The following MYO5B variants were observed in gnomAD, a reference collection of about 807,000 sequenced individuals.
MYO5B encodes the protein unconventional myosin-Vb.
Under a neutral mutation model 229.3 loss-of-function variants are expected in MYO5B, and 143 were observed. That is an observed-to-expected ratio of 0.62 (90% CI 0.54 to 0.72). The LOEUF (loss-of-function observed/expected upper bound fraction) is 0.72, where lower values mean the gene tolerates loss of function less well. Among genes scored for constraint, MYO5B ranks in the 30% least tolerant of loss-of-function variants. MYO5B has a pLI of 0.00. For synonymous variants in MYO5B, 918 were observed against 885.2 expected (o/e 1.04, Z -0.66); for missense variants, 2,321 against 2,331.0 (o/e 1.00, Z 0.09).
chr18:49,979,387 C>G (rs2025790136), intron 9 of MYO5B, among the ~76,000 whole-genome samples: 1 of 152,178 alleles, frequency 6.6e-6, no homozygotes, highest in South Asian at 2.1e-4. Flanking sequence ...GGCCCAGGGG[C>G]CCTCTCAAAC....
Position 49,971,826 on chromosome 18 carries a change from TAC to T in MYO5B, c.1322+2522_1322+2523del, listed in dbSNP as rs532731984. Reference sequence around the variant, plus strand: ...GTGTGAACTCAGCACTGCATTGAGCTACAGAGGAGTAACTGTGCATGGGACTT... The same window carrying T: ...GTGTGAACTCAGCACTGCATTGAGCTAGAGGAGTAACTGTGCATGGGACTT... On this transcript the variant is annotated intron_variant, in intron 10 of 39. Transcript: ENST00000285039. Among the ~76,000 whole-genome samples the T allele has an allele frequency of 3.3e-3, 502 of 152,332 alleles. 1 individual carries two copies. Among genetic ancestry groups the T allele is most frequent in the South Asian group, 4.3e-3 (21 of 4,828 alleles).
intron 1 of MYO5B, among the ~76,000 whole-genome samples, chr18:50,172,553 G>T (rs1189047259): frequency 6.6e-6 from 1 of 152,196 alleles, no homozygotes; most frequent in Non-Finnish European, 1.5e-5. Flanking sequence ...GATACTGAAA[G>T]ATCTGTAAAA....
intron 1 of MYO5B, among the ~76,000 whole-genome samples, chr18:50,143,427 A>G (rs1185492650): frequency 6.6e-6 from 1 of 152,192 alleles, no homozygotes; most frequent in Non-Finnish European, 1.5e-5. Context: ...CCTTCTAACA[A>G]TGTGAGATCC....
chr18:50,040,316 TAA>T lies in MYO5B; in HGVS notation c.139-4_139-3del. 6.2e-7 allele frequency: 1 copy of T among 1,614,016 alleles called. No homozygotes were observed. The highest frequency in any genetic ancestry group is 8.5e-7 in the Non-Finnish European group (1 of 1,179,898). On this transcript the variant is annotated splice_region_variant and splice_polypyrimidine_tract_variant and intron_variant, in intron 2 of 39. Transcript: ENST00000285039. ...TACATCAATTGGGTATTCCAGAATC[TAA>T]AGACATGCAAGTAGCAGACACAAAA...
At chr18:50,040,760 A>C (rs895018779) in intron 2 of MYO5B, among the ~76,000 whole-genome samples, 1 of 152,182 alleles carries the variant, frequency 6.6e-6, no homozygotes, top group African/African-American at 2.4e-5. Flanking sequence ...AGCGGCCTCA[A>C]GTTGAACCAT....
At chr18:49,964,439 T>C (rs929263728) in intron 10 of MYO5B, among the ~76,000 whole-genome samples, 2 of 152,332 alleles carry the variant, frequency 1.3e-5, no homozygotes, top group East Asian at 3.9e-4. Flanking sequence ...GTTCTGTGAA[T>C]ATGCAAACAC....
intron 33 of MYO5B, among the ~76,000 whole-genome samples, chr18:49,845,588 A>C (rs945845994): frequency 6.6e-6 from 1 of 152,222 alleles, no homozygotes; most frequent in Non-Finnish European, 1.5e-5. Context: ...GACACACTTC[A>C]CATCATGGGG....
intron 5 of MYO5B, among the ~76,000 whole-genome samples, chr18:49,995,693 G>T (rs1229662578): frequency 6.6e-6 from 1 of 152,168 alleles, no homozygotes; most frequent in South Asian, 2.1e-4. Flanking sequence ...GTAAGGGGAC[G>T]TTTCTCTGCA....
chr18:50,038,317 T>C (rs1160662286), intron 3 of MYO5B, among the ~76,000 whole-genome samples: 1 of 152,200 alleles, frequency 6.6e-6, no homozygotes, highest in Non-Finnish European at 1.5e-5. Context: ...TTGTGTTCCC[T>C]TCTGGTGTCT....
At chr18:50,028,610 TAG>T (rs1180638105) in intron 4 of MYO5B, among the ~76,000 whole-genome samples, 1 of 152,134 alleles carries the variant, frequency 6.6e-6, no homozygotes, top group African/African-American at 2.4e-5. Flanking sequence ...TGAAGGCAAA[TAG>T]AGACTCAGTA....
intron 22 of MYO5B, among the ~76,000 whole-genome samples, chr18:49,882,514 G>A (rs1278167743): frequency 6.6e-6 from 1 of 151,180 alleles, no homozygotes; most frequent in East Asian, 2.0e-4. Flanking sequence ...TGTAATCCCA[G>A]CTACTTGGGA....
rs1192037800 is a variant in MYO5B at position 50,178,655 on chromosome 18, A to G, written c.27+16112T>C. Reference sequence around the variant, plus strand: ...TGCCTCACTTTAGATACAGGCTACCATTCCAGGGCTTCGGGTATTATTTAC... The same window carrying G: ...TGCCTCACTTTAGATACAGGCTACCGTTCCAGGGCTTCGGGTATTATTTAC... On this transcript the variant is annotated intron_variant, in intron 1 of 39. Coordinates refer to ENST00000285039, the MANE Select transcript of MYO5B (RefSeq NM_001080467.3). 2.0e-5 allele frequency among the ~76,000 whole-genome samples: 3 copies of G among 152,328 alleles called. No individual in the cohort carries two copies. In the East Asian group the frequency reaches 5.8e-4, roughly 29 times the overall value.
At chr18:50,114,309 C>G (rs1028261633) in intron 1 of MYO5B, among the ~76,000 whole-genome samples, 18 of 152,160 alleles carry the variant, frequency 1.2e-4, no homozygotes, top group African/African-American at 4.3e-4. Context: ...CACAGAAAGT[C>G]AAGTCATGGC....
chr18:49,893,983 G>T (rs1403047489), intron 22 of MYO5B, among the ~76,000 whole-genome samples: 1 of 152,212 alleles, frequency 6.6e-6, no homozygotes. Context: ...CCTTGGAGAT[G>T]ATCTGAACCA....
intron 32 of MYO5B, among the ~76,000 whole-genome samples, chr18:49,847,765 T>A (rs908919160): frequency 1.3e-5 from 2 of 152,220 alleles, no homozygotes; most frequent in Non-Finnish European, 2.9e-5. Context: ...AACGTGGCCA[T>A]CGTGACACAG....
chr18:49,823,675 T>C lies in MYO5B; in HGVS notation c.*2796A>G, dbSNP rs905038214. The C allele has an allele frequency of 6.6e-6, 1 of 151,666 alleles. No homozygotes were observed. The highest frequency in any genetic ancestry group is 2.4e-5 in the African/African-American group (1 of 41,226). The allele number at this position is 151,666 out of a possible 1,614,324, so 9.4% of individuals were successfully genotyped here. ...GCTTCATGGAAAGGGGAAAAACATCTACCTTTGGGTCTAATCTGCCTCCCA... is the reference window on the plus strand; with the variant it reads ...GCTTCATGGAAAGGGGAAAAACATCCACCTTTGGGTCTAATCTGCCTCCCA... On this transcript the variant is annotated 3_prime_UTR_variant, in exon 40 of 40. Transcript: ENST00000285039.
intron 14 of MYO5B, among the ~76,000 whole-genome samples, chr18:49,948,322 T>C (rs1008546462): frequency 6.6e-5 from 10 of 152,176 alleles, no homozygotes; most frequent in African/African-American, 2.4e-4. Flanking sequence ...ATGGTACCCT[T>C]TGGAGGGAAA....
chr18:50,162,379 T>C (rs1320252424), intron 1 of MYO5B, among the ~76,000 whole-genome samples: 1 of 151,724 alleles, frequency 6.6e-6, no homozygotes, highest in East Asian at 1.9e-4. Context: ...CGGCGCCCAG[T>C]TTTTGATACC....
At chr18:50,154,936 C>A (rs1333220864) in intron 1 of MYO5B, among the ~76,000 whole-genome samples, 1 of 152,176 alleles carries the variant, frequency 6.6e-6, no homozygotes, top group Non-Finnish European at 1.5e-5. Flanking sequence ...TCAAAAAAGT[C>A]TGTTTGCCTT....
Sources: allele counts gnomAD v4.1 joint callset (sites outside exome capture counted in the v4.1 genomes callset), GRCh38; gene constraint gnomAD v4.1.1; transcripts MANE v1.5; gene names NCBI Gene and HGNC (gene_info 2026-07-23, HGNC 2026-07-21).